The following SEPTIN14 variants were observed in gnomAD, a reference collection of about 807,000 sequenced individuals.
SEPTIN14 encodes septin-14.
In SEPTIN14, 40 loss-of-function variants were observed where a neutral mutation model predicts 53.6. The ratio of observed to expected loss-of-function variants is 0.75; its 90% confidence interval spans 0.58 to 0.97. The LOEUF (loss-of-function observed/expected upper bound fraction) is 0.97, where lower values mean the gene tolerates loss of function less well. Among genes scored for constraint, SEPTIN14 ranks in the 50% least tolerant of loss-of-function variants. SEPTIN14 has a pLI of 0.00. For missense variants in SEPTIN14, 471 were observed against 508.2 expected (o/e 0.93, Z 0.70); for synonymous variants, 138 against 166.8 (o/e 0.83, Z 1.33).
intron 2 of SEPTIN14, among the ~76,000 whole-genome samples, chr7:55,858,806 C>T (rs577374711): frequency 2.0e-5 from 3 of 147,910 alleles, no homozygotes; most frequent in South Asian, 2.1e-4. Context: ...CTCTATCCCC[C>T]GCCAAAAAAA....
In SEPTIN14 at chr7:55,805,324, CTCT is replaced by C. The variant is rs756065326; in HGVS notation, c.1050_1052del (p.Glu351del). 23 of 1,609,200 alleles carry C rather than the reference CTCT, an allele frequency of 1.4e-5. No homozygotes were observed. Among genetic ancestry groups the C allele is most frequent in the Admixed American group, 3.4e-5 (2 of 59,396 alleles). On this transcript the variant is annotated inframe_deletion, in exon 9 of 10. Coordinates refer to ENST00000388975, the MANE Select transcript of SEPTIN14 (RefSeq NM_207366.3). ...CTCGCTGCATAAATCTCTGTTTCAA[CTCT>C]TCTTCTTCCCTCTGACATTGATCAT...
chr7:55,861,891 T>A (rs1584278582), intron 2 of SEPTIN14, 52 bp downstream of exon 2: 2 of 1,135,256 alleles, frequency 1.8e-6, no homozygotes, highest in Non-Finnish European at 2.5e-6. Flanking sequence ...TTAGGCTATA[T>A]AATCTTATTG....
At chr7:55,832,391 G>C (rs546992618) in intron 6 of SEPTIN14, among the ~76,000 whole-genome samples, 109 of 152,266 alleles carry the variant, frequency 7.2e-4, no homozygotes, top group Middle Eastern at 6.8e-3. Context: ...ATTTGGCCCA[G>C]TGATTATACT....
chr7:55,843,648 A>G (rs1283029743), intron 4 of SEPTIN14, among the ~76,000 whole-genome samples: 2 of 152,230 alleles, frequency 1.3e-5, no homozygotes, highest in African/African-American at 4.8e-5. Context: ...CCTGGCTAAC[A>G]CGGTGAAACC....
chr7:55,819,139 C>A lies in SEPTIN14; in HGVS notation c.805G>T (p.Gly269Ter). The A allele has an allele frequency of 6.3e-7, 1 of 1,578,616 alleles. No individual in the cohort carries two copies. Among genetic ancestry groups the A allele is most frequent in the East Asian group, 2.3e-5 (1 of 43,802 alleles). Residue 269 changes from glycine to a stop codon, truncating the protein, a stop_gained, in exon 7 of 10, where the codon GGA (glycine) becomes TGA (stop). Transcript: ENST00000388975. LOFTEE classifies it high-confidence loss of function. Reference sequence around the variant, plus strand: ...CTGTCATTTTTACCTTGCAAAACTCCCCAAGGGTAGTGACGGCCTCTGACC... The same window carrying A: ...CTGTCATTTTTACCTTGCAAAACTCACCAAGGGTAGTGACGGCCTCTGACC... ...RMVRGRHYPW[G>*]VLQVENENHC...
intron 7 of SEPTIN14, among the ~76,000 whole-genome samples, chr7:55,810,026 G>T (rs1227349567): frequency 2.0e-5 from 3 of 151,606 alleles, no homozygotes; most frequent in Non-Finnish European, 4.4e-5. Flanking sequence ...TAGAGACAGG[G>T]TTTCACCGCG....
intron 2 of SEPTIN14, among the ~76,000 whole-genome samples, chr7:55,860,736 C>A (rs539590674): frequency 4.7e-4 from 72 of 152,204 alleles, no homozygotes; most frequent in African/African-American, 1.7e-3. Flanking sequence ...TGGCTCCACC[C>A]ACATGAATAG....
At chr7:55,840,274 A>G (rs2116044123) in intron 5 of SEPTIN14, among the ~76,000 whole-genome samples, 1 of 151,740 alleles carries the variant, frequency 6.6e-6, no homozygotes, top group African/African-American at 2.4e-5. Context: ...GGATCACCTG[A>G]GGTCAAGAGT....
At chr7:55,832,033 C>T (rs1209567732) in intron 6 of SEPTIN14, among the ~76,000 whole-genome samples, 2 of 152,146 alleles carry the variant, frequency 1.3e-5, no homozygotes, top group East Asian at 3.8e-4. Context: ...TAAACCCCAT[C>T]TCTACCAAAA....
At chr7:55,833,241 G>T (rs1789142022) in intron 6 of SEPTIN14, among the ~76,000 whole-genome samples, 1 of 151,278 alleles carries the variant, frequency 6.6e-6, no homozygotes, top group Non-Finnish European at 1.5e-5. Flanking sequence ...CTTGAACCTG[G>T]GAGGCAGAGG....
rs778731243 is a variant in SEPTIN14, at chr7:55,843,028, C to T, written c.472G>A (p.Val158Ile). 3.9e-5 allele frequency: 62 copies of T among 1,595,052 alleles called. No individual in the cohort carries two copies. Among genetic ancestry groups the T allele is most frequent in the African/African-American group, 1.5e-4 (11 of 74,564 alleles). Residue 158 changes from valine (V) to isoleucine (I), a missense_variant, in exon 5 of 10, where the codon GTC (valine) becomes ATC (isoleucine). By Grantham distance (29) the Val-to-Ile change is conservative (BLOSUM62 3). Transcript: ENST00000388975. ...RSLFEYHDSRVHVCLYFISPT... is the reference protein window; with the variant it reads ...RSLFEYHDSRIHVCLYFISPT... Reference sequence around the variant, plus strand: ...GAAATGAAGTAAAGACACACGTGGACGCGAGAATCATGGTACTCAAACAAG... The same window carrying T: ...GAAATGAAGTAAAGACACACGTGGATGCGAGAATCATGGTACTCAAACAAG...
chr7:55,861,837 G>T, intron 2 of SEPTIN14, 106 bp downstream of exon 2: 1 of 656,048 alleles, frequency 1.5e-6, no homozygotes, highest in South Asian at 2.5e-5. Context: ...TAACAAACAA[G>T]ACTTTATCTT....
intron 2 of SEPTIN14, among the ~76,000 whole-genome samples, chr7:55,857,788 C>T (rs1388402637): frequency 2.7e-5 from 4 of 150,942 alleles, no homozygotes; most frequent in African/African-American, 7.4e-5. Flanking sequence ...GGGGTTTCAC[C>T]GTGTTAGCCA....
Position 55,795,623 on chromosome 7 carries a change from A to C in SEPTIN14, c.*290T>G, listed in dbSNP as rs1201245772. 2.9e-6 allele frequency: 1 copy of C among 348,086 alleles called. No individual in the cohort carries two copies. Among genetic ancestry groups the C allele is most frequent in the Non-Finnish European group, 5.4e-6 (1 of 186,458 alleles). The allele number at this position is 348,086 out of a possible 1,614,324, so 21.6% of individuals were successfully genotyped here. On this transcript the variant is annotated 3_prime_UTR_variant, in exon 10 of 10. Coordinates refer to ENST00000388975, the MANE Select transcript of SEPTIN14 (RefSeq NM_207366.3). ...GCTGGGATTACAGGTACCGGCCACC[A>C]AACCCAGCTAATTTTTGTATTTTTA...
intron 6 of SEPTIN14, among the ~76,000 whole-genome samples, chr7:55,821,093 A>C (rs992471925): frequency 6.6e-6 from 1 of 152,164 alleles, no homozygotes; most frequent in Non-Finnish European, 1.5e-5. Context: ...ATTCGCATCC[A>C]ACCCCCATCT....
chr7:55,798,868 TG>T (rs1354565832), intron 9 of SEPTIN14: 1 of 153,412 alleles, frequency 6.5e-6, no homozygotes, highest in Non-Finnish European at 1.4e-5. Context: ...TTTGGGAGGC[TG>T]GGGCGGGCGG....
intron 2 of SEPTIN14, among the ~76,000 whole-genome samples, chr7:55,860,868 G>A (rs1017113787): frequency 2.6e-5 from 4 of 152,128 alleles, no homozygotes; most frequent in African/African-American, 9.7e-5. Context: ...AAACCTGCTG[G>A]TGCTTTGATC....
rs753426819 is a variant in SEPTIN14, at chr7:55,795,929, T to C, written c.1283A>G (p.Lys428Arg). Residue 428 changes from lysine (K) to arginine (R), a missense_variant, in exon 10 of 10, where the codon AAA becomes AGA. Lys to Arg is a conservative substitution (Grantham distance 26). Transcript: ENST00000388975. ...GAGAAACTATTATTTCTTACGATGTTTGTCTTTCTTTGTATCGGTGCTCAG... is the reference window on the plus strand; with the variant it reads ...GAGAAACTATTATTTCTTACGATGTCTGTCTTTCTTTGTATCGGTGCTCAG... ...TQLSTDTKKD[K>R]HRKK 3 of 1,593,506 alleles carry C rather than the reference T, an allele frequency of 1.9e-6. No individual in the cohort carries two copies. Among genetic ancestry groups the C allele is most frequent in the Non-Finnish European group, 2.5e-6 (3 of 1,177,280 alleles).
At chr7:55,830,359 T>A (rs1789087818) in intron 6 of SEPTIN14, among the ~76,000 whole-genome samples, 1 of 125,690 alleles carries the variant, frequency 8.0e-6, no homozygotes, top group African/African-American at 3.2e-5. Context: ...ATTTTTTTTT[T>A]TTTTTGAGAC....
Sources: allele counts gnomAD v4.1 joint callset (sites outside exome capture counted in the v4.1 genomes callset), GRCh38; gene constraint gnomAD v4.1.1; transcripts MANE v1.5; gene names NCBI Gene and HGNC (gene_info 2026-07-23, HGNC 2026-07-21).